Variants in RALGAPA2 observed in about 807,000 individuals in gnomAD.
RALGAPA2 encodes the protein ral GTPase-activating protein subunit alpha-2.
A neutral mutation model predicts 230.4 loss-of-function variants in RALGAPA2; 139 were observed. The observed-to-expected ratio is 0.60, with a 90% CI of 0.53 to 0.69. The LOEUF (loss-of-function observed/expected upper bound fraction) is 0.69. RALGAPA2 is among the 30% of genes least tolerant of loss of function. The pLI, the probability that RALGAPA2 is intolerant of heterozygous loss-of-function variation, is 0.00. For missense variants in RALGAPA2, 2,163 were observed against 2,276.0 expected (o/e 0.95, Z 1.01); for synonymous variants, 847 against 837.8 (o/e 1.01, Z -0.19).
At chr20:20,492,343 T>G (rs1331860149) in intron 36 of RALGAPA2, among the ~76,000 whole-genome samples, 1 of 152,180 alleles carries the variant, frequency 6.6e-6, no homozygotes, top group Non-Finnish European at 1.5e-5. Flanking sequence ...AAGAATGCCT[T>G]TGACTCTACC....
intron 2 of RALGAPA2, among the ~76,000 whole-genome samples, chr20:20,679,833 T>C (rs2146824999): frequency 6.6e-6 from 1 of 152,318 alleles, no homozygotes; most frequent in African/African-American, 2.4e-5. Context: ...TAAATCTCTC[T>C]TACAGAACAA....
chr20:20,584,759 C>T (rs752276681), intron 19 of RALGAPA2, 106 bp downstream of exon 19: 33 of 907,956 alleles, frequency 3.6e-5, no homozygotes, highest in Admixed American at 2.3e-4. Context: ...CCAGCCTGGG[C>T]GAAAGAGTGA....
chr20:20,452,703 C>G (rs1433651437), intron 37 of RALGAPA2, among the ~76,000 whole-genome samples: 1 of 152,244 alleles, frequency 6.6e-6, no homozygotes, highest in Non-Finnish European at 1.5e-5. Context: ...CCCACAACAG[C>G]CTCAAGAGTA....
chr20:20,452,750 A>G (rs1173050936), intron 37 of RALGAPA2, among the ~76,000 whole-genome samples: 2 of 152,274 alleles, frequency 1.3e-5, no homozygotes, highest in South Asian at 2.1e-4. Flanking sequence ...TCATTAAAGC[A>G]TGATACTGGT....
At chr20:20,490,691 AG>A (rs1330968580) in intron 36 of RALGAPA2, among the ~76,000 whole-genome samples, 2 of 152,204 alleles carry the variant, frequency 1.3e-5, no homozygotes, top group Non-Finnish European at 2.9e-5. Flanking sequence ...TAAGCTTAAA[AG>A]ACTTCCTTTC....
At chr20:20,611,541 C>T in intron 13 of RALGAPA2, 115 bp from the exon 14 acceptor site, 2 of 1,432,834 alleles carry the variant, frequency 1.4e-6, no homozygotes, top group Non-Finnish European at 1.8e-6. Context: ...ATGTATTACT[C>T]GAAACTATTA....
chr20:20,511,538 A>T (rs962449573), intron 32 of RALGAPA2, among the ~76,000 whole-genome samples: 3 of 152,200 alleles, frequency 2.0e-5, no homozygotes, highest in African/African-American at 7.2e-5. Flanking sequence ...ACCCAGTGAC[A>T]CAGATGGCTC....
chr20:20,635,522 C>A lies in RALGAPA2; in HGVS notation c.901G>T (p.Val301Phe). The A allele has an allele frequency of 6.3e-7, 1 of 1,595,208 alleles. No homozygotes were observed. The highest frequency in any genetic ancestry group is 2.3e-5 in the East Asian group (1 of 44,344). ...STKIPYMAAR[V>F]VFIKWIVTFF... Reference sequence around the variant, plus strand: ...GTTACAATCCACTTAATAAAAACAACACGAGCTGCCATATATGGAATCTTT... The same window carrying A: ...GTTACAATCCACTTAATAAAAACAAAACGAGCTGCCATATATGGAATCTTT... Residue 301 changes from valine to phenylalanine, a missense_variant, in exon 9 of 40, where the codon GTT becomes TTT. Physicochemically the swap from Val to Phe is conservative, Grantham distance 50. Transcript: ENST00000202677.
chr20:20,616,240 T>C (rs746922222), intron 12 of RALGAPA2, 49 bp from the exon 13 acceptor site: 1 of 1,313,818 alleles, frequency 7.6e-7, no homozygotes, highest in East Asian at 2.7e-5. Flanking sequence ...ACATAAACAT[T>C]TGAATAAATT....
Position 20,623,498 on chromosome 20 carries a change from T to G in RALGAPA2, c.1234-2868A>C, listed in dbSNP as rs1159966324. The stretch of plus-strand genomic sequence containing the variant: ...AAATAGAGCAAAAACTGATAGGCTT[T>G]CAAAAAAAAAAAAAAAACAAATCCA... On this transcript the variant is annotated intron_variant, in intron 10 of 39. Coordinates refer to ENST00000202677, the MANE Select transcript of RALGAPA2 (RefSeq NM_020343.4). Among the ~76,000 whole-genome samples the G allele has an allele frequency of 3.7e-5, 5 of 135,486 alleles. No homozygotes were observed. In the East Asian group the frequency reaches 1.2e-3, roughly 31 times the overall value. The allele number at this position is 135,486 out of a possible 152,430, so 88.9% of individuals were successfully genotyped here. A position where few individuals can be genotyped will look rare whatever the true frequency, so the allele number is the denominator to read the frequency against.
chr20:20,592,331 C>T (rs2065316573), intron 16 of RALGAPA2, among the ~76,000 whole-genome samples: 3 of 152,178 alleles, frequency 2.0e-5, no homozygotes, highest in African/African-American at 7.2e-5. Flanking sequence ...GATCCCCTTG[C>T]AAGGTACTCT....
rs189762143 is a variant in RALGAPA2, at chr20:20,468,196, A to G, written c.5495+4633T>C. The stretch of plus-strand genomic sequence containing the variant: ...CAGAAGAGAGATGAGATTGTCTGCC[A>G]GCCAGGAATTTATCAAACACATGTC... On this transcript the variant is annotated intron_variant, in intron 37 of 39. Coordinates refer to ENST00000202677, the MANE Select transcript of RALGAPA2 (RefSeq NM_020343.4). Among the ~76,000 whole-genome samples the G allele has an allele frequency of 2.6e-5, 4 of 152,368 alleles. No individual in the cohort carries two copies. In the East Asian group the frequency reaches 7.7e-4, roughly 29 times the overall value.
chr20:20,709,090 G>A (rs1238843501), intron 1 of RALGAPA2, among the ~76,000 whole-genome samples: 3 of 151,812 alleles, frequency 2.0e-5, no homozygotes, highest in East Asian at 1.9e-4. Context: ...AGGCCGAGTC[G>A]GGCAGATCAC....
intron 36 of RALGAPA2, among the ~76,000 whole-genome samples, chr20:20,481,307 G>A (rs563746909): frequency 6.6e-6 from 1 of 152,336 alleles, no homozygotes; most frequent in East Asian, 1.9e-4. Context: ...TTTCAAGGAT[G>A]CAATGCAGAC....
intron 1 of RALGAPA2, among the ~76,000 whole-genome samples, chr20:20,708,275 T>A (rs73124450): frequency 0.042 from 6,396 of 152,292 alleles, 186 homozygotes; most frequent in Non-Finnish European, 0.066. Context: ...TTACATTATA[T>A]CTCTATTGGA....
chr20:20,702,237 G>A (rs1271084269), intron 1 of RALGAPA2, among the ~76,000 whole-genome samples: 1 of 152,160 alleles, frequency 6.6e-6, no homozygotes. Flanking sequence ...GTAGATGGCA[G>A]GATGGACAAC....
rs555425890 is a variant in RALGAPA2, at chr20:20,487,867, G to A, written c.5367+7250C>T. Among the ~76,000 whole-genome samples the A allele has an allele frequency of 7.3e-5, 11 of 151,482 alleles. No individual in the cohort carries two copies. The East Asian group carries it at 1.6e-3, about 22-fold the overall frequency. On this transcript the variant is annotated intron_variant, in intron 36 of 39. Transcript: ENST00000202677. ...GCAGAGGTTGCAGTGAGCTGAGATC[G>A]TGCCACTGCACTCTAGCCTGGGTGA... is the stretch of plus-strand genomic sequence containing the variant.
chr20:20,491,564 G>A (rs370473839), intron 36 of RALGAPA2, among the ~76,000 whole-genome samples: 80 of 152,252 alleles, frequency 5.3e-4, no homozygotes, highest in African/African-American at 1.8e-3. Context: ...AGCAGCACGG[G>A]TACTCACTGC....
chr20:20,519,596 C>T (rs1023985200), intron 31 of RALGAPA2, among the ~76,000 whole-genome samples: 1 of 152,230 alleles, frequency 6.6e-6, no homozygotes, highest in African/African-American at 2.4e-5. Context: ...AATATAACAG[C>T]TCCTGTTTCA....
Sources: allele counts gnomAD v4.1 joint callset (sites outside exome capture counted in the v4.1 genomes callset), GRCh38; gene constraint gnomAD v4.1.1; transcripts MANE v1.5; gene names NCBI Gene and HGNC (gene_info 2026-07-23, HGNC 2026-07-21).